WDTC1: variants seen among roughly 807,000 people sequenced by gnomAD.
WDTC1 encodes WD and tetratricopeptide repeats protein 1.
Under a neutral mutation model 76.0 loss-of-function variants are expected in WDTC1, and 12 were observed. The ratio of observed to expected loss-of-function variants is 0.16; its 90% CI spans 0.10 to 0.26. The LOEUF is 0.26. WDTC1 is among the 10% of genes least tolerant of loss of function. WDTC1 has a pLI of 1.00. For missense variants in WDTC1, 511 were observed against 908.8 expected (o/e 0.56, Z 5.63); for synonymous variants, 326 against 350.8 (o/e 0.93, Z 0.79).
intron 13 of WDTC1, among the ~76,000 whole-genome samples, chr1:27,302,986 A>G (rs1334943233): frequency 1.2e-4 from 18 of 151,550 alleles, no homozygotes; most frequent in Admixed American, 1.2e-3. Flanking sequence ...TATAAAAGTC[A>G]CCCAGGCTGG....
chr1:27,304,094 C>T (rs1303021902), intron 14 of WDTC1: 2 of 344,412 alleles, frequency 5.8e-6, no homozygotes, highest in Non-Finnish European at 1.1e-5. Flanking sequence ...TCTGCATGTG[C>T]CAGAGCTTGG....
At chr1:27,250,087 A>C (rs2011987597) in intron 1 of WDTC1, among the ~76,000 whole-genome samples, 1 of 152,180 alleles carries the variant, frequency 6.6e-6, no homozygotes, top group African/African-American at 2.4e-5. Context: ...CATGCTACTG[A>C]GCAAATATAA....
chr1:27,245,725 A>G (rs2011807443), intron 1 of WDTC1, among the ~76,000 whole-genome samples: 1 of 151,346 alleles, frequency 6.6e-6, no homozygotes, highest in African/African-American at 2.5e-5. Flanking sequence ...GCCTGCCACC[A>G]TGCACAGCTA....
chr1:27,286,094 C>A (rs1424471006), intron 5 of WDTC1, among the ~76,000 whole-genome samples: 1 of 145,146 alleles, frequency 6.9e-6, no homozygotes, highest in Non-Finnish European at 1.5e-5. Flanking sequence ...CAACCTCCAC[C>A]TCCCGGCTTC....
Position 27,305,232 on chromosome 1 carries a change from T to C in WDTC1, c.1836+39T>C, listed in dbSNP as rs2013925602. 6.3e-7 allele frequency: 1 copy of C among 1,595,590 alleles called. No individual in the cohort carries two copies. The highest frequency in any genetic ancestry group is 8.5e-7 in the Non-Finnish European group (1 of 1,171,228). On this transcript the variant is annotated intron_variant, in intron 15 of 15. Transcript: ENST00000319394. This position sits in a 1 kb window ranked among gnomAD's most constrained non-coding sequence, Gnocchi z 4.6. ...GCCAAGCAGAGAGGAGGGCAGGGAC[T>C]CTGTGGAAGGCTCCAGTGGAGCCTG...
At chr1:27,248,815 G>A (rs1173169062) in intron 1 of WDTC1, among the ~76,000 whole-genome samples, 7 of 151,932 alleles carry the variant, frequency 4.6e-5, no homozygotes, top group African/African-American at 9.7e-5. Context: ...GTGCCACCAC[G>A]CCCAGCTAAT....
chr1:27,306,613 G>T lies in WDTC1; in HGVS notation c.*230G>T, dbSNP rs2013961807. 4 of 593,544 alleles carry T rather than the reference G, an allele frequency of 6.7e-6. No homozygotes were observed. In the South Asian group the frequency reaches 8.4e-5, roughly 12 times the overall value. 36.8% of individuals were successfully genotyped at this position (593,544 alleles called of 1,614,324 possible). On this transcript the variant is annotated 3_prime_UTR_variant, in exon 16 of 16. Coordinates refer to ENST00000319394, the MANE Select transcript of WDTC1 (RefSeq NM_001276252.2). The surrounding 1 kb of genome is among the most constrained non-coding windows in gnomAD (Gnocchi z 5.0). ...CCAGCCCTGAAAAAAAGAGCAGGAG[G>T]GGACACCCCTCCATATGCCCCCCCC...
At chr1:27,240,988 A>G (rs1484159418) in intron 1 of WDTC1, among the ~76,000 whole-genome samples, 2 of 136,362 alleles carry the variant, frequency 1.5e-5, no homozygotes, top group Non-Finnish European at 3.3e-5. Flanking sequence ...AAAAAAACAA[A>G]AAAACTTTAA....
Position 27,287,787 on chromosome 1 carries a change from C to T in WDTC1, c.405C>T (p.Asn135=). 1.9e-6 allele frequency: 3 copies of T among 1,614,060 alleles called. No homozygotes were observed. Residue 135 remains asparagine, a synonymous_variant, in exon 6 of 16, where the codon AAC becomes AAT. Transcript: ENST00000319394. ...ETIHMFGDHT[N]RVKRIATAPM... ...TCCACATGTTTGGAGACCACACAAACCGGGTGAAGCGCATCGCCACAGCGC... is the reference window on the plus strand; with the variant it reads ...TCCACATGTTTGGAGACCACACAAATCGGGTGAAGCGCATCGCCACAGCGC...
At chr1:27,296,023 C>A (rs970022070) in intron 9 of WDTC1, among the ~76,000 whole-genome samples, 2 of 152,152 alleles carry the variant, frequency 1.3e-5, no homozygotes, top group South Asian at 4.1e-4. Context: ...CCTGCCTCAG[C>A]CTCCTAAAGT....
At chr1:27,282,651 C>CTT (rs2013220193) in intron 4 of WDTC1, among the ~76,000 whole-genome samples, 2 of 151,804 alleles carry the variant, frequency 1.3e-5, no homozygotes, top group Admixed American at 1.3e-4. Flanking sequence ...TACAGGCATG[C>CTT]GCCACCATGC....
intron 5 of WDTC1, among the ~76,000 whole-genome samples, chr1:27,285,711 C>G (rs1430304164): frequency 6.6e-6 from 1 of 151,402 alleles, no homozygotes; most frequent in African/African-American, 2.4e-5. Context: ...CTCAGCCTCC[C>G]GAGTAGCTGG....
intron 14 of WDTC1, chr1:27,304,296 A>T: frequency 6.0e-6 from 1 of 167,584 alleles, no homozygotes; most frequent in Non-Finnish European, 1.3e-5. Flanking sequence ...GGTAGGTGAG[A>T]CACATGAACA....
At chr1:27,273,820 CGTGTGTGT>C (rs138243935) in intron 3 of WDTC1, among the ~76,000 whole-genome samples, 1 of 148,026 alleles carries the variant, frequency 6.8e-6, no homozygotes, top group Admixed American at 6.8e-5. Context: ...GTACTTTACA[CGTGTGTGT>C]GTGTGTGTGT....
chr1:27,293,449 A>AAAAAAAAG lies in WDTC1; in HGVS notation c.663-569_663-568insAAAGAAAA, dbSNP rs576038881. Among the ~76,000 whole-genome samples, 293 of 150,420 alleles carry AAAAAAAAG rather than the reference A, an allele frequency of 1.9e-3. 2 individuals are homozygous for AAAAAAAAG. Among genetic ancestry groups the AAAAAAAAG allele is most frequent in the African/African-American group, 6.8e-3 (278 of 40,870 alleles). ...TCAGTCTCAATTAAAAAAAAAAAAA[A>AAAAAAAAG]AAAAGTATAAATTACCCATAATCTC... On this transcript the variant is annotated intron_variant, in intron 7 of 15. Transcript: ENST00000319394.
At chr1:27,293,952 AGTGAGT>A in intron 7 of WDTC1, 64 bp from the exon 8 acceptor site, 1 of 1,445,456 alleles carries the variant, frequency 6.9e-7, no homozygotes. Context: ...GTTTTCGTCT[AGTGAGT>A]GTGGTCTGGT....
chr1:27,308,428 C>T lies in WDTC1; in HGVS notation c.*2045C>T, dbSNP rs2014007761. The T allele has an allele frequency of 6.6e-6, 1 of 152,166 alleles. No homozygotes were observed. Among genetic ancestry groups the T allele is most frequent in the African/African-American group, 2.4e-5 (1 of 41,434 alleles). The allele number at this position is 152,166 out of a possible 1,614,324, so 9.4% of individuals were successfully genotyped here. A position where few individuals can be genotyped will look rare whatever the true frequency, so the allele number is the denominator to read the frequency against. ...CAGCAGGGCTGAGTGCAGAGCCCAG[C>T]TCTCATGGCTGTGATTTGTAATCAT... On this transcript the variant is annotated 3_prime_UTR_variant, in exon 16 of 16. Coordinates refer to ENST00000319394, the MANE Select transcript of WDTC1 (RefSeq NM_001276252.2).
rs55743362 is a variant in WDTC1, at chr1:27,295,856, C to T, written c.874-470C>T. Among the ~76,000 whole-genome samples, 445 of 152,232 alleles carry T rather than the reference C, an allele frequency of 2.9e-3. 2 individuals carry two copies. The highest frequency in any genetic ancestry group is 5.4e-3 in the Non-Finnish European group (365 of 68,008). Reference sequence around the variant, plus strand: ...TCTCAGGTCACTGCAGCCTCGACATCCCAGGCTCAAGTGATTCCCCCACCT... The same window carrying T: ...TCTCAGGTCACTGCAGCCTCGACATTCCAGGCTCAAGTGATTCCCCCACCT... On this transcript the variant is annotated intron_variant, in intron 9 of 15. Coordinates refer to ENST00000319394, the MANE Select transcript of WDTC1 (RefSeq NM_001276252.2).
intron 1 of WDTC1, among the ~76,000 whole-genome samples, chr1:27,252,473 A>G (rs1256226003): frequency 6.6e-6 from 1 of 152,170 alleles, no homozygotes; most frequent in South Asian, 2.1e-4. Context: ...TATGCAAATC[A>G]GGGTATATTG....
Sources: gnomAD v4.1 joint callset for allele counts (sites outside exome capture counted in the v4.1 genomes callset) on GRCh38, gnomAD v4.1.1 for gene constraint, Gnocchi (gnomAD v3.1) non-coding constraint, MANE v1.5 for transcripts, NCBI Gene and HGNC (gene_info 2026-07-23, HGNC 2026-07-21) for gene names.